The following CSMD1 variants were observed in gnomAD, a reference collection of about 807,000 sequenced individuals.
CSMD1 encodes CUB and Sushi multiple domains 1.
In CSMD1, 213 loss-of-function variants were observed where a neutral mutation model predicts 417.5. The ratio of observed to expected loss-of-function variants is 0.51; its 90% CI spans 0.46 to 0.57. CSMD1 has a LOEUF of 0.57. CSMD1 is among the 20% of genes least tolerant of loss of function. The pLI, the probability that CSMD1 is intolerant of heterozygous loss-of-function variation, is 0.00. For missense variants in CSMD1, 6,923 were observed against 4,529.7 expected (o/e 1.53, Z -15.17); for synonymous variants, 2,862 against 1,736.8 (o/e 1.65, Z -16.11).
chr8:2,958,425 C>G (rs927653119), intron 62 of CSMD1, among the ~76,000 whole-genome samples: 3 of 152,196 alleles, frequency 2.0e-5, no homozygotes, highest in African/African-American at 7.2e-5. Flanking sequence ...AATGCATTTC[C>G]CCAACGTATC....
At chr8:4,307,265 G>C (rs867792686) in intron 3 of CSMD1, among the ~76,000 whole-genome samples, 1 of 152,016 alleles carries the variant, frequency 6.6e-6, no homozygotes, top group Non-Finnish European at 1.5e-5. Context: ...ATGCACAGAG[G>C]GCTGTTGATA....
At chr8:3,993,938 G>T (rs535795087) in intron 5 of CSMD1, among the ~76,000 whole-genome samples, 8 of 152,150 alleles carry the variant, frequency 5.3e-5, no homozygotes, top group African/African-American at 1.4e-4. Context: ...AATGCACCAG[G>T]GATGAAAACG....
At chr8:3,754,354 C>T (rs867039770) in intron 5 of CSMD1, among the ~76,000 whole-genome samples, 1 of 152,012 alleles carries the variant, frequency 6.6e-6, no homozygotes, top group African/African-American at 2.4e-5. Context: ...AGATCTTAAT[C>T]ACAATGAATC....
intron 46 of CSMD1, among the ~76,000 whole-genome samples, chr8:3,104,453 C>A (rs1295831880): frequency 6.6e-6 from 1 of 152,086 alleles, no homozygotes; most frequent in Non-Finnish European, 1.5e-5. Flanking sequence ...AACAGACGAG[C>A]AGGCCAAGGG....
chr8:4,505,386 A>G (rs920843013), intron 2 of CSMD1, among the ~76,000 whole-genome samples: 2 of 152,206 alleles, frequency 1.3e-5, no homozygotes, highest in African/African-American at 4.8e-5. Context: ...ATAAATTTCT[A>G]AGATGATAAA....
chr8:4,516,139 G>A (rs1167263792), intron 2 of CSMD1, among the ~76,000 whole-genome samples: 2 of 152,032 alleles, frequency 1.3e-5, no homozygotes, highest in African/African-American at 4.8e-5. Flanking sequence ...GATTAAAAGA[G>A]GTCATGCAGG....
chr8:4,132,403 G>C (rs1043901327), intron 3 of CSMD1, among the ~76,000 whole-genome samples: 1 of 152,048 alleles, frequency 6.6e-6, no homozygotes, highest in African/African-American at 2.4e-5. Flanking sequence ...TATGGTGTCT[G>C]AAAATGATGT....
intron 18 of CSMD1, among the ~76,000 whole-genome samples, chr8:3,370,941 A>C (rs1308905902): frequency 2.0e-5 from 3 of 151,700 alleles, no homozygotes; most frequent in African/African-American, 7.3e-5. Flanking sequence ...ACGCCATTGC[A>C]CTCCAGCCTG....
intron 5 of CSMD1, among the ~76,000 whole-genome samples, chr8:3,830,200 T>C (rs2129087231): frequency 6.6e-6 from 1 of 152,252 alleles, no homozygotes; most frequent in Non-Finnish European, 1.5e-5. Flanking sequence ...GGAACAAGGA[T>C]TGTTTGAGGT....
At chr8:3,068,624 G>C (rs1338361078) in intron 49 of CSMD1, among the ~76,000 whole-genome samples, 4 of 152,166 alleles carry the variant, frequency 2.6e-5, no homozygotes, top group African/African-American at 9.7e-5. Context: ...TTCTGGGGAG[G>C]CCTTAGGAAT....
intron 3 of CSMD1, among the ~76,000 whole-genome samples, chr8:4,347,645 G>T (rs1217211296): frequency 6.6e-6 from 1 of 152,144 alleles, no homozygotes; most frequent in South Asian, 2.1e-4. Context: ...ATGAAAGGAG[G>T]AGTGTAATTT....
At chr8:4,383,785 T>C (rs6989044) in intron 3 of CSMD1, among the ~76,000 whole-genome samples, 1 of 152,144 alleles carries the variant, frequency 6.6e-6, no homozygotes, top group South Asian at 2.1e-4. Flanking sequence ...TTTTTTCAAG[T>C]GTCAAATGCT....
intron 28 of CSMD1, among the ~76,000 whole-genome samples, chr8:3,221,077 C>T (rs1014062795): frequency 6.6e-6 from 1 of 152,068 alleles, no homozygotes; most frequent in Non-Finnish European, 1.5e-5. Context: ...TAGGTGGCTC[C>T]ACTTGATCTG....
chr8:4,853,400 A>T (rs1486773567), intron 1 of CSMD1, among the ~76,000 whole-genome samples: 4 of 152,166 alleles, frequency 2.6e-5, no homozygotes, highest in Non-Finnish European at 5.9e-5. Context: ...GGTACAGCTC[A>T]TATTGCTGCT....
intron 3 of CSMD1, among the ~76,000 whole-genome samples, chr8:4,290,492 G>A (rs547325890): frequency 1.4e-4 from 21 of 152,142 alleles, no homozygotes; most frequent in Admixed American, 9.2e-4. Flanking sequence ...ATCTTTCATA[G>A]CATGAGAAAA....
chr8:4,103,500 A>T (rs1009712253), intron 3 of CSMD1, among the ~76,000 whole-genome samples: 5 of 150,912 alleles, frequency 3.3e-5, no homozygotes, highest in African/African-American at 9.7e-5. Flanking sequence ...ATAAATAAAC[A>T]TATAAATATA....
intron 5 of CSMD1, among the ~76,000 whole-genome samples, chr8:3,963,870 T>C (rs535393977): frequency 4.6e-5 from 7 of 152,326 alleles, no homozygotes; most frequent in East Asian, 1.9e-4. Context: ...AATGAAGGTA[T>C]AGATGTTAAC....
At chr8:4,581,556 T>C (rs1382255) in intron 2 of CSMD1, among the ~76,000 whole-genome samples, 58,766 of 152,038 alleles carry the variant, frequency 0.39, 11,568 homozygotes, top group African/African-American at 0.44. Context: ...TTAGCCAGCA[T>C]TGTAAAAAAT....
At chr8:3,782,577 A>G (rs1161466348) in intron 5 of CSMD1, among the ~76,000 whole-genome samples, 3 of 152,202 alleles carry the variant, frequency 2.0e-5, no homozygotes, top group Admixed American at 6.5e-5. Context: ...GCAAACCAAC[A>G]TGGCACATGT....
Sources: allele counts gnomAD v4.1 joint callset (sites outside exome capture counted in the v4.1 genomes callset), GRCh38; gene constraint gnomAD v4.1.1; transcripts MANE v1.5; gene names NCBI Gene and HGNC (gene_info 2026-07-23, HGNC 2026-07-21).